Variants in PRKD1 observed in about 807,000 individuals in gnomAD.
The protein encoded by PRKD1 is protein kinase D1.
In PRKD1, 63 loss-of-function variants were observed where a neutral mutation model predicts 95.9. The observed-to-expected ratio is 0.66, with a 90% CI of 0.54 to 0.81. The LOEUF is 0.81. Among genes scored for constraint, PRKD1 ranks in the 30% least tolerant of loss-of-function variants. PRKD1 has a pLI of 0.00. For synonymous variants in PRKD1, 425 were observed against 423.1 expected, an observed-to-expected ratio of 1.00 and a Z score of -0.05; for missense variants, 1,048 against 1,165.3, an observed-to-expected ratio of 0.90 and a Z score of 1.47.
chr14:29,769,528 C>A (rs970466098), intron 1 of PRKD1, among the ~76,000 whole-genome samples: 1 of 151,974 alleles, frequency 6.6e-6, no homozygotes, highest in Non-Finnish European at 1.5e-5. Context: ...CCACTGCACT[C>A]CAGCCTAGGC....
At chr14:29,760,350 T>A (rs1887918979) in intron 1 of PRKD1, among the ~76,000 whole-genome samples, 1 of 70,014 alleles carries the variant, frequency 1.4e-5, no homozygotes, top group African/African-American at 4.5e-5. Context: ...TTTTCTCAAC[T>A]TTTTTTTTTT....
chr14:29,621,633 A>G (rs1879273339), intron 13 of PRKD1, among the ~76,000 whole-genome samples: 1 of 152,336 alleles, frequency 6.6e-6, no homozygotes, highest in African/African-American at 2.4e-5. Flanking sequence ...AATTCGGTAC[A>G]TAAATATGTT....
chr14:29,714,247 C>T (rs894840726), intron 2 of PRKD1, among the ~76,000 whole-genome samples: 8 of 152,208 alleles, frequency 5.3e-5, no homozygotes, highest in Non-Finnish European at 1.0e-4. Flanking sequence ...ATATAGTGAA[C>T]AATTTCTTCC....
In PRKD1 at chr14:29,795,508, A is replaced by G. The variant is rs192766793; in HGVS notation, c.265-69834T>C. ...ACATTTATGAAAGCTCTAATTAAAC[A>G]TTGTCTTTTCTTCAATATGAGTAGT... On this transcript the variant is annotated intron_variant, in intron 1 of 17. Transcript: ENST00000331968. Among the ~76,000 whole-genome samples, 74 of 152,244 alleles carry G rather than the reference A, an allele frequency of 4.9e-4. 1 individual carries two copies. The highest frequency in any genetic ancestry group is 1.6e-3 in the Admixed American group (25 of 15,298).
intron 1 of PRKD1, among the ~76,000 whole-genome samples, chr14:29,804,391 G>A (rs930257858): frequency 1.3e-5 from 2 of 152,084 alleles, no homozygotes; most frequent in African/African-American, 2.4e-5. Context: ...CTGATACCAA[G>A]AATCATAACA....
chr14:29,851,439 G>T (rs1032518565), intron 1 of PRKD1, among the ~76,000 whole-genome samples: 1 of 151,992 alleles, frequency 6.6e-6, no homozygotes, highest in Admixed American at 6.6e-5. Flanking sequence ...CAATTCTCAT[G>T]AGAAGACATA....
intron 1 of PRKD1, among the ~76,000 whole-genome samples, chr14:29,790,007 CTTTTT>C (rs34880091): frequency 1.0e-5 from 1 of 97,314 alleles, no homozygotes; most frequent in African/African-American, 4.3e-5. Context: ...AGCAAGTTGT[CTTTTT>C]TTTTTTTTTT....
intron 1 of PRKD1, among the ~76,000 whole-genome samples, chr14:29,744,474 C>T (rs1359778017): frequency 6.6e-6 from 1 of 152,168 alleles, no homozygotes; most frequent in Admixed American, 6.5e-5. Context: ...CCTGAATTAA[C>T]TGCACAAGCC....
At chr14:29,582,191 G>A (rs28605439) in intron 16 of PRKD1, among the ~76,000 whole-genome samples, 79,102 of 151,900 alleles carry the variant, frequency 0.52, 21,029 homozygotes, top group Non-Finnish European at 0.59. Context: ...TTTCTTCTCA[G>A]GGCCAAGATT....
intron 2 of PRKD1, among the ~76,000 whole-genome samples, chr14:29,676,176 C>CTTTTTTTTTTTTTTTT (rs1566532166): frequency 1.6e-5 from 1 of 62,244 alleles, no homozygotes; most frequent in African/African-American, 9.3e-5. Context: ...TAGTTCATTA[C>CTTTTTTTTTTTTTTTT]GTTTTTGTTT....
At chr14:29,704,222 G>A (rs1276671023) in intron 2 of PRKD1, among the ~76,000 whole-genome samples, 4 of 152,016 alleles carry the variant, frequency 2.6e-5, no homozygotes, top group African/African-American at 7.2e-5. Flanking sequence ...GAAGACCCAT[G>A]ACTCAGAAAT....
intron 4 of PRKD1, 145 bp downstream of exon 4, chr14:29,663,554 T>C (rs999132814): frequency 2.3e-6 from 2 of 870,146 alleles, no homozygotes; most frequent in Admixed American, 5.4e-5. Flanking sequence ...CTGACCAATC[T>C]ACAGCACAAG....
intron 1 of PRKD1, among the ~76,000 whole-genome samples, chr14:29,856,840 C>T (rs961877058): frequency 6.6e-6 from 1 of 152,184 alleles, no homozygotes; most frequent in African/African-American, 2.4e-5. Context: ...TCTTCTGTAG[C>T]CTAATCCATT....
rs543964679 is a variant in PRKD1, at chr14:29,684,967, C to T, written c.404-18759G>A. Among the ~76,000 whole-genome samples the T allele has an allele frequency of 9.2e-5, 14 of 152,216 alleles. No individual in the cohort carries two copies. The South Asian group carries it at 2.5e-3, about 27-fold the overall frequency. On this transcript the variant is annotated intron_variant, in intron 2 of 17. Coordinates refer to ENST00000331968, the MANE Select transcript of PRKD1 (RefSeq NM_002742.3). ...TTCCCCCTTTATAGGGAGTATTCTA[C>T]AAAAAGCATATCTCAAACAAAGCTT...
At chr14:29,668,549 T>A (rs766632067) in intron 2 of PRKD1, among the ~76,000 whole-genome samples, 1 of 152,176 alleles carries the variant, frequency 6.6e-6, no homozygotes, top group Admixed American at 6.6e-5. Flanking sequence ...TCATTGAGCA[T>A]TTGAAACAGG....
intron 2 of PRKD1, among the ~76,000 whole-genome samples, chr14:29,724,102 T>A (rs12878120): frequency 0.15 from 22,466 of 152,164 alleles, 1,981 homozygotes; most frequent in South Asian, 0.22. Flanking sequence ...TGGGATAACA[T>A]GCAAATAAGC....
intron 1 of PRKD1, among the ~76,000 whole-genome samples, chr14:29,750,616 G>GCGCGCGCACACACACA (rs72239992): frequency 1.0e-4 from 15 of 148,482 alleles, no homozygotes; most frequent in African/African-American, 3.5e-4. Flanking sequence ...ATGAACGCGC[G>GCGCGCGCACACACACA]CACACACACA....
chr14:29,592,840 G>T (rs895134760), intron 16 of PRKD1: 2 of 152,152 alleles, frequency 1.3e-5, no homozygotes, highest in African/African-American at 4.8e-5. Context: ...GTGTGATCCT[G>T]TTTCCTAGTA....
At chr14:29,762,449 C>T (rs1453368930) in intron 1 of PRKD1, among the ~76,000 whole-genome samples, 1 of 152,068 alleles carries the variant, frequency 6.6e-6, no homozygotes, top group Admixed American at 6.6e-5. Context: ...CCCTGGAATT[C>T]TCAACTTAGA....
Sources: allele counts gnomAD v4.1 joint callset (sites outside exome capture counted in the v4.1 genomes callset), GRCh38; gene constraint gnomAD v4.1.1; transcripts MANE v1.5; gene names NCBI Gene and HGNC (gene_info 2026-07-23, HGNC 2026-07-21).